The following KCNIP4 variants were observed in gnomAD, a reference collection of about 807,000 sequenced individuals.
KCNIP4 encodes Kv channel-interacting protein 4.
KCNIP4 carries 12 observed loss-of-function variants against 34.0 expected under a neutral mutation model. That is an observed-to-expected ratio of 0.35 (90% confidence interval 0.23 to 0.57). KCNIP4 has a LOEUF of 0.57. Ranked by LOEUF, KCNIP4 falls within the 20% of genes least tolerant of loss-of-function variation. The pLI is 0.83. For synonymous variants in KCNIP4, 124 were observed against 102.2 expected (o/e 1.21, Z -1.29); for missense variants, 238 against 311.7 (o/e 0.76, Z 1.78).
intron 1 of KCNIP4, among the ~76,000 whole-genome samples, chr4:21,173,864 C>T (rs1754198014): frequency 1.3e-5 from 2 of 152,182 alleles, no homozygotes; most frequent in Non-Finnish European, 2.9e-5. Flanking sequence ...TATGTGGTTT[C>T]TCATAGAATA....
chr4:21,799,962 T>A (rs1229246833), intron 1 of KCNIP4, among the ~76,000 whole-genome samples: 1 of 152,200 alleles, frequency 6.6e-6, no homozygotes, highest in Non-Finnish European at 1.5e-5. Flanking sequence ...CTGCAAAGTT[T>A]AAAATTTCTA....
chr4:20,781,642 T>C (rs960665710), intron 3 of KCNIP4, among the ~76,000 whole-genome samples: 6 of 152,186 alleles, frequency 3.9e-5, no homozygotes, highest in African/African-American at 1.4e-4. Flanking sequence ...ACAAGAACAG[T>C]ATGGGGAAAA....
intron 1 of KCNIP4, among the ~76,000 whole-genome samples, chr4:21,600,955 C>G (rs904259186): frequency 2.6e-5 from 4 of 151,966 alleles, no homozygotes; most frequent in African/African-American, 9.7e-5. Flanking sequence ...CAAACCTGAT[C>G]CCCTTTTGTC....
At position 20,890,138 on chromosome 4, in the gene KCNIP4, T is replaced by G. The variant is rs571535530; in HGVS notation, c.62-7429A>C. ...AATTAACTCATTTAAAAGCATTTGT[T>G]GAATGCTAACTATGTGCTAGGAACT... is the stretch of plus-strand genomic sequence containing the variant. On this transcript the variant is annotated intron_variant, in intron 1 of 8. Transcript: ENST00000382152. 1.9e-3 allele frequency among the ~76,000 whole-genome samples: 291 copies of G among 152,272 alleles called. 1 individual carries two copies. Among genetic ancestry groups the G allele is most frequent in the African/African-American group, 6.8e-3 (281 of 41,554 alleles).
intron 2 of KCNIP4, among the ~76,000 whole-genome samples, chr4:20,864,197 T>C (rs183081074): frequency 2.4e-4 from 36 of 150,878 alleles, no homozygotes; most frequent in Admixed American, 1.5e-3. Context: ...CGTACATATG[T>C]ATGTACACAC....
At chr4:21,804,380 G>A (rs1721176265) in intron 1 of KCNIP4, among the ~76,000 whole-genome samples, 1 of 152,178 alleles carries the variant, frequency 6.6e-6, no homozygotes. Context: ...GTGTGATGTA[G>A]ATATTCTGTG....
intron 1 of KCNIP4, among the ~76,000 whole-genome samples, chr4:21,291,935 G>GAAAGAAA (rs1763543948): frequency 1.3e-5 from 1 of 74,208 alleles, no homozygotes; most frequent in African/African-American, 9.5e-5. Flanking sequence ...AAGAAAGAAA[G>GAAAGAAA]AAAAAAAAAG....
intron 1 of KCNIP4, among the ~76,000 whole-genome samples, chr4:21,731,022 G>C (rs2109111368): frequency 6.6e-6 from 1 of 151,512 alleles, no homozygotes; most frequent in East Asian, 2.0e-4. Context: ...GCTAAGGTTG[G>C]AGTATCACCT....
At chr4:20,871,422 A>G (rs1442714455) in intron 2 of KCNIP4, among the ~76,000 whole-genome samples, 2 of 152,114 alleles carry the variant, frequency 1.3e-5, no homozygotes, top group African/African-American at 4.8e-5. Flanking sequence ...GGCAGAAAAT[A>G]TAACAGTAAT....
chr4:21,740,069 T>C (rs1401757682), intron 1 of KCNIP4, among the ~76,000 whole-genome samples: 1 of 152,040 alleles, frequency 6.6e-6, no homozygotes, highest in Non-Finnish European at 1.5e-5. Flanking sequence ...CAAGCAACTT[T>C]TCAAATACTC....
intron 1 of KCNIP4, among the ~76,000 whole-genome samples, chr4:21,526,247 T>C (rs1735965125): frequency 6.6e-6 from 1 of 152,078 alleles, no homozygotes; most frequent in African/African-American, 2.4e-5. Flanking sequence ...GCTGATCTTG[T>C]GATAGTGAAT....
chr4:21,881,607 C>T (rs566647775), intron 1 of KCNIP4, among the ~76,000 whole-genome samples: 1 of 152,062 alleles, frequency 6.6e-6, no homozygotes, highest in African/African-American at 2.4e-5. Context: ...TTAAGTTGCA[C>T]ACGTTGATAC....
At chr4:20,905,828 G>A (rs1051601818) in intron 1 of KCNIP4, among the ~76,000 whole-genome samples, 1 of 151,766 alleles carries the variant, frequency 6.6e-6, no homozygotes, top group Non-Finnish European at 1.5e-5. Flanking sequence ...CCTAGTAGTT[G>A]AATATTTTCT....
intron 1 of KCNIP4, among the ~76,000 whole-genome samples, chr4:21,474,848 A>T (rs1003899525): frequency 2.6e-5 from 4 of 151,882 alleles, no homozygotes; most frequent in African/African-American, 9.7e-5. Flanking sequence ...TAATAAAAAA[A>T]AAATTAGCCA....
chr4:21,919,114 C>T (rs932831870), intron 1 of KCNIP4, among the ~76,000 whole-genome samples: 2 of 152,214 alleles, frequency 1.3e-5, no homozygotes, highest in African/African-American at 4.8e-5. Flanking sequence ...ATTTAATCCA[C>T]TGTCACGGTA....
At chr4:21,455,206 G>A (rs6843180) in intron 1 of KCNIP4, among the ~76,000 whole-genome samples, 45,837 of 151,722 alleles carry the variant, frequency 0.3, 7,913 homozygotes, top group Non-Finnish European at 0.39. Flanking sequence ...TCAGAAGTAG[G>A]CAAATAACAA....
At chr4:21,113,455 T>G (rs12646460) in intron 1 of KCNIP4, among the ~76,000 whole-genome samples, 32 of 62,396 alleles carry the variant, frequency 5.1e-4, no homozygotes, top group Middle Eastern at 0.029. Context: ...TCTATAAGTT[T>G]AAAAAAAAAA....
intron 1 of KCNIP4, among the ~76,000 whole-genome samples, chr4:21,175,933 C>T (rs1404560131): frequency 6.6e-6 from 1 of 152,124 alleles, no homozygotes; most frequent in African/African-American, 2.4e-5. Flanking sequence ...ATTAGCTCAT[C>T]CCAGAGTTTA....
chr4:21,876,467 G>A (rs115424108), intron 1 of KCNIP4, among the ~76,000 whole-genome samples: 2,873 of 152,128 alleles, frequency 0.019, 87 homozygotes, highest in African/African-American at 0.064. Context: ...GATTGTAAGC[G>A]GAGTACTAAA....
Sources: allele counts gnomAD v4.1 joint callset (sites outside exome capture counted in the v4.1 genomes callset), GRCh38; gene constraint gnomAD v4.1.1; transcripts MANE v1.5; gene names NCBI Gene and HGNC (gene_info 2026-07-23, HGNC 2026-07-21).